SGCD: variants seen among roughly 807,000 people sequenced by gnomAD.
SGCD encodes the protein delta-sarcoglycan.
In SGCD, 18 loss-of-function variants were observed where a neutral mutation model predicts 36.6. The observed-to-expected ratio is 0.49, with a 90% CI of 0.34 to 0.73. The LOEUF (loss-of-function observed/expected upper bound fraction) is 0.73, where lower values mean the gene tolerates loss of function less well. SGCD is among the 30% of genes least tolerant of loss of function. The probability of loss-of-function intolerance (pLI) is 0.01; values close to 1 mark genes in which losing one functional copy is unlikely to be tolerated. For synonymous variants in SGCD, 133 were observed against 130.6 expected, an observed-to-expected ratio of 1.02 and a Z score of -0.12; for missense variants, 387 against 346.7, an observed-to-expected ratio of 1.12 and a Z score of -0.92.
chr5:156,058,226 G>C lies in SGCD; in HGVS notation c.-281-59652G>C, dbSNP rs1271021702. On this transcript the variant is annotated intron_variant, in intron 1 of 9. Transcript: ENST00000517913. ...TTTATATTAAAAGCAGGAGACAGAG[G>C]AACATGTTAAGTAATATTATGAGGG... Among the ~76,000 whole-genome samples, 20 of 146,060 alleles carry C rather than the reference G, an allele frequency of 1.4e-4. 3 individuals are homozygous for C. The highest frequency in any genetic ancestry group is 1.5e-5 in the Non-Finnish European group (1 of 64,878).
intron 1 of SGCD, among the ~76,000 whole-genome samples, chr5:155,930,959 T>A (rs557349209): frequency 7.0e-4 from 107 of 152,304 alleles, no homozygotes; most frequent in African/African-American, 2.4e-3. Flanking sequence ...TATAATCTTG[T>A]TTTGAAGTTA....
At chr5:156,479,154 A>C (rs567001602) in intron 3 of SGCD, among the ~76,000 whole-genome samples, 1 of 151,808 alleles carries the variant, frequency 6.6e-6, no homozygotes, top group African/African-American at 2.4e-5. Flanking sequence ...GTGCAGTGAC[A>C]TGATCTCGGC....
intron 3 of SGCD, among the ~76,000 whole-genome samples, chr5:156,418,508 A>T (rs1483536058): frequency 6.6e-6 from 1 of 152,172 alleles, no homozygotes; most frequent in African/African-American, 2.4e-5. Context: ...AATTGAAATC[A>T]TCACTTTGTC....
At chr5:155,910,612 A>C (rs1756610606) in intron 1 of SGCD, among the ~76,000 whole-genome samples, 1 of 152,102 alleles carries the variant, frequency 6.6e-6, no homozygotes. Flanking sequence ...AGAATAGCAA[A>C]TTTGAGTGAG....
intron 7 of SGCD, among the ~76,000 whole-genome samples, chr5:156,728,343 T>A (rs1367256097): frequency 6.6e-6 from 1 of 151,668 alleles, no homozygotes; most frequent in Non-Finnish European, 1.5e-5. Flanking sequence ...CAAAATCCCG[T>A]CTCTACCAAA....
At chr5:155,992,137 T>C (rs1405704796) in intron 1 of SGCD, among the ~76,000 whole-genome samples, 1 of 152,240 alleles carries the variant, frequency 6.6e-6, no homozygotes, top group African/African-American at 2.4e-5. Flanking sequence ...CTAGGTTGGA[T>C]ACTACTTCCA....
At chr5:156,309,602 T>A (rs1300374331) in intron 3 of SGCD, among the ~76,000 whole-genome samples, 1 of 20,298 alleles carries the variant, frequency 4.9e-5, no homozygotes, top group Non-Finnish European at 1.2e-4. Context: ...TCTTTGAGCA[T>A]TTTTTTTTTT....
intron 3 of SGCD, among the ~76,000 whole-genome samples, chr5:156,247,728 T>A (rs1386292731): frequency 6.6e-6 from 1 of 152,228 alleles, no homozygotes; most frequent in African/African-American, 2.4e-5. Flanking sequence ...TTTAAAGTCA[T>A]AGCTTTGGAA....
intron 6 of SGCD, among the ~76,000 whole-genome samples, chr5:156,627,012 A>C (rs2113519202): frequency 6.6e-6 from 1 of 152,312 alleles, no homozygotes. Flanking sequence ...AATTGTGCAG[A>C]AGTTAGTGAC....
At chr5:156,121,597 T>C (rs772569666) in intron 2 of SGCD, among the ~76,000 whole-genome samples, 1 of 152,118 alleles carries the variant, frequency 6.6e-6, no homozygotes, top group Non-Finnish European at 1.5e-5. Context: ...GTATTTATGT[T>C]ACCGCAATGA....
At chr5:156,166,602 G>A (rs545608955) in intron 3 of SGCD, among the ~76,000 whole-genome samples, 2 of 152,344 alleles carry the variant, frequency 1.3e-5, no homozygotes, top group African/African-American at 4.8e-5. Flanking sequence ...TTGCAGGCGT[G>A]AGCCACCGTG....
chr5:156,465,592 G>A lies in SGCD; in HGVS notation c.193-43009G>A, dbSNP rs561367828. On this transcript the variant is annotated intron_variant, in intron 3 of 8. Transcript: ENST00000337851. ...TTCATGATCTTCTACCCTGGAGGCC[G>A]CCTCCAAGAGCATCTCTCTTTCATC... Among the ~76,000 whole-genome samples, 16 of 152,194 alleles carry A rather than the reference G, an allele frequency of 1.1e-4. 1 individual carries two copies. The South Asian group carries it at 2.3e-3, about 22-fold the overall frequency.
At chr5:156,599,567 G>T (rs1159344955) in intron 6 of SGCD, among the ~76,000 whole-genome samples, 1 of 152,090 alleles carries the variant, frequency 6.6e-6, no homozygotes, top group Non-Finnish European at 1.5e-5. Flanking sequence ...ATTTTTCTCT[G>T]GATAACCACA....
chr5:156,470,860 G>A (rs915566335), intron 3 of SGCD, among the ~76,000 whole-genome samples: 2 of 152,142 alleles, frequency 1.3e-5, no homozygotes, highest in South Asian at 4.1e-4. Flanking sequence ...ATTTGGAAAC[G>A]TACTGCGTAA....
chr5:156,328,758 G>A (rs11950100), intron 1 of SGCD, among the ~76,000 whole-genome samples: 11,501 of 151,944 alleles, frequency 0.076, 454 homozygotes, highest in South Asian at 0.19. Context: ...TCTTCGTGTT[G>A]GGGTGGTGTG....
Position 156,538,105 on chromosome 5 carries a change from GA to G in SGCD, c.294+29414del, listed in dbSNP as rs112252812. Among the ~76,000 whole-genome samples, 570 of 148,226 alleles carry G rather than the reference GA, an allele frequency of 3.8e-3. 5 individuals are homozygous for G. The highest frequency in any genetic ancestry group is 0.01 in the Middle Eastern group (3 of 286). On this transcript the variant is annotated intron_variant, in intron 4 of 8. Coordinates refer to ENST00000337851, the MANE Select transcript of SGCD (RefSeq NM_000337.6). ...CAGAGTCTCTAGAATAATATATTTG[GA>G]AAAAAAAAAATACCATTGACTAAGG...
intron 3 of SGCD, among the ~76,000 whole-genome samples, chr5:156,397,913 C>A (rs781425543): frequency 6.6e-6 from 1 of 152,116 alleles, no homozygotes; most frequent in Non-Finnish European, 1.5e-5. Context: ...TATTGAAAAA[C>A]GGGTTTGAAT....
intron 1 of SGCD, among the ~76,000 whole-genome samples, chr5:155,991,240 A>C (rs149271397): frequency 1.0e-3 from 156 of 152,344 alleles, no homozygotes; most frequent in African/African-American, 3.2e-3. Flanking sequence ...GTGCCATTTC[A>C]TGGGTGCACA....
intron 3 of SGCD, among the ~76,000 whole-genome samples, chr5:156,146,358 A>C (rs1233919563): frequency 6.6e-6 from 1 of 152,268 alleles, no homozygotes; most frequent in Non-Finnish European, 1.5e-5. Context: ...TTTCAACTTT[A>C]GAATTAACCT....
Sources: allele counts gnomAD v4.1 joint callset (sites outside exome capture counted in the v4.1 genomes callset), GRCh38; gene constraint gnomAD v4.1.1; transcripts MANE v1.5; gene names NCBI Gene and HGNC (gene_info 2026-07-23, HGNC 2026-07-21).